The following STK33 variants were observed in gnomAD, a reference collection of about 807,000 sequenced individuals.
STK33 encodes the protein serine/threonine kinase 33.
Under a neutral mutation model 58.0 loss-of-function variants are expected in STK33, and 52 were observed. The ratio of observed to expected loss-of-function variants is 0.90; its 90% CI spans 0.72 to 1.13. STK33 has a LOEUF of 1.13. STK33 is among the 50% of genes most tolerant of loss of function. The pLI is 0.00. For missense variants in STK33, 630 were observed against 604.2 expected (o/e 1.04, Z -0.45); for synonymous variants, 215 against 200.1 (o/e 1.07, Z -0.63).
At chr11:8,542,233 T>C (rs1955576831) in intron 1 of STK33, among the ~76,000 whole-genome samples, 1 of 152,208 alleles carries the variant, frequency 6.6e-6, no homozygotes. Context: ...ATTTCAATAT[T>C]TCTACGATAA....
intron 1 of STK33, among the ~76,000 whole-genome samples, chr11:8,588,984 T>C (rs1591937854): frequency 6.6e-6 from 1 of 152,144 alleles, no homozygotes. Flanking sequence ...ACTTCACACA[T>C]ACTAGGATGG....
chr11:8,494,719 AC>A (rs746526960), intron 1 of STK33, among the ~76,000 whole-genome samples: 32 of 152,356 alleles, frequency 2.1e-4, no homozygotes, highest in Non-Finnish European at 4.1e-4. Flanking sequence ...AGTAACCAAA[AC>A]AGCCTGGTAC....
At chr11:8,554,418 CAAAAAAA>C (rs35967209) in intron 1 of STK33, among the ~76,000 whole-genome samples, 1 of 58,720 alleles carries the variant, frequency 1.7e-5, no homozygotes, top group Non-Finnish European at 3.7e-5. Context: ...GACTCCATCT[CAAAAAAA>C]AAAAAAAAAA....
At chr11:8,348,483 A>C in the STK33 span, among the ~76,000 whole-genome samples, 1 of 152,194 alleles carries the variant, frequency 6.6e-6, no homozygotes, top group African/African-American at 2.4e-5. Flanking sequence ...GAACAGCAGC[A>C]TGAGGGTAAC....
At chr11:8,415,985 C>T (rs997650894) in intron 14 of STK33, among the ~76,000 whole-genome samples, 1 of 152,160 alleles carries the variant, frequency 6.6e-6, no homozygotes, top group Non-Finnish European at 1.5e-5. Flanking sequence ...GGCACACAAA[C>T]GCATATCATG....
chr11:8,537,895 A>C (rs1051326410), intron 1 of STK33, among the ~76,000 whole-genome samples: 1 of 151,862 alleles, frequency 6.6e-6, no homozygotes, highest in Non-Finnish European at 1.5e-5. Context: ...TGAGTAAAAA[A>C]AAAAAATAGG....
intron 1 of STK33, among the ~76,000 whole-genome samples, chr11:8,547,126 CATT>C (rs1955982647): frequency 2.6e-5 from 4 of 152,158 alleles, no homozygotes; most frequent in Admixed American, 2.6e-4. Flanking sequence ...CAAAATATCA[CATT>C]GTTGTTTTGA....
At chr11:8,351,730 T>G in the STK33 span, among the ~76,000 whole-genome samples, 1 of 152,150 alleles carries the variant, frequency 6.6e-6, no homozygotes, top group African/African-American at 2.4e-5. Flanking sequence ...AGCGCTTATA[T>G]GTTCTGCTGC....
the STK33 span, among the ~76,000 whole-genome samples, chr11:8,365,317 C>G: frequency 1.5e-4 from 23 of 152,280 alleles, no homozygotes; most frequent in East Asian, 4.4e-3. Flanking sequence ...CATGAGGGGG[C>G]TAGGAAGCTG....
chr11:8,465,502 T>C (rs1257511722), intron 6 of STK33: 1 of 152,236 alleles, frequency 6.6e-6, no homozygotes, highest in African/African-American at 2.4e-5. Context: ...ATCACCATTT[T>C]GGTTTGCATT....
intron 14 of STK33, among the ~76,000 whole-genome samples, chr11:8,418,721 G>A (rs112899698): frequency 0.036 from 5,470 of 152,258 alleles, 141 homozygotes; most frequent in African/African-American, 0.061. Context: ...CAGTGTGTAA[G>A]TGTTCCCTTT....
chr11:8,429,984 T>C (rs1359759140), intron 14 of STK33, among the ~76,000 whole-genome samples: 1 of 152,096 alleles, frequency 6.6e-6, no homozygotes, highest in African/African-American at 2.4e-5. Flanking sequence ...ACAGACCTCA[T>C]CCAAGTCCAC....
At chr11:8,526,510 A>G (rs2140009773) in intron 1 of STK33, among the ~76,000 whole-genome samples, 1 of 152,288 alleles carries the variant, frequency 6.6e-6, no homozygotes, top group Non-Finnish European at 1.5e-5. Flanking sequence ...TCTCTTAAGT[A>G]TGTTCCCAAC....
At chr11:8,590,375 T>G (rs2032402613) in intron 1 of STK33, among the ~76,000 whole-genome samples, 2 of 152,154 alleles carry the variant, frequency 1.3e-5, no homozygotes, top group Admixed American at 1.3e-4. Context: ...TAAATATTTA[T>G]TGAATGAATG....
chr11:8,487,828 A>G (rs1950296762), intron 1 of STK33, among the ~76,000 whole-genome samples: 1 of 152,228 alleles, frequency 6.6e-6, no homozygotes, highest in Non-Finnish European at 1.5e-5. Context: ...AAAAAAAATC[A>G]GAATAAACTT....
At chr11:8,591,331 T>C (rs761926132) in intron 1 of STK33, among the ~76,000 whole-genome samples, 12 of 152,224 alleles carry the variant, frequency 7.9e-5, no homozygotes, top group Non-Finnish European at 1.6e-4. Flanking sequence ...TTTGCTAATA[T>C]TACAAAATAA....
chr11:8,509,245 T>A (rs1952118815), intron 1 of STK33, among the ~76,000 whole-genome samples: 1 of 152,200 alleles, frequency 6.6e-6, no homozygotes, highest in Admixed American at 6.5e-5. Context: ...CCTATCTTTT[T>A]GGGGTAAATC....
chr11:8,476,473 T>G (rs1949286927), intron 4 of STK33, among the ~76,000 whole-genome samples: 1 of 152,186 alleles, frequency 6.6e-6, no homozygotes, highest in Admixed American at 6.5e-5. Context: ...CATATCTCCT[T>G]TCTCTCAGAT....
chr11:8,489,345 T>C, intron 1 of STK33, among the ~76,000 whole-genome samples: 1 of 149,640 alleles, frequency 6.7e-6, no homozygotes, highest in Non-Finnish European at 1.5e-5. Flanking sequence ...TTACACCAAA[T>C]ATAGATGATC....
Sources: allele counts gnomAD v4.1 joint callset (sites outside exome capture counted in the v4.1 genomes callset), GRCh38; gene constraint gnomAD v4.1.1; transcripts MANE v1.5; gene names NCBI Gene and HGNC (gene_info 2026-07-23, HGNC 2026-07-21).